MACROD2: variants seen among roughly 807,000 people sequenced by gnomAD.
MACROD2 encodes mono-ADP ribosylhydrolase 2.
Under a neutral mutation model 70.4 loss-of-function variants are expected in MACROD2, and 36 were observed. The ratio of observed to expected loss-of-function variants is 0.51; its 90% CI spans 0.39 to 0.68. The LOEUF is 0.68. MACROD2 is among the 30% of genes least tolerant of loss of function. The probability of loss-of-function intolerance (pLI) is 0.00; values close to 1 mark genes in which losing one functional copy is unlikely to be tolerated. For missense variants in MACROD2, 496 were observed against 538.4 expected (o/e 0.92, Z 0.78); for synonymous variants, 172 against 178.8 (o/e 0.96, Z 0.30).
intron 5 of MACROD2, among the ~76,000 whole-genome samples, chr20:14,923,624 A>G (rs2074190690): frequency 6.6e-6 from 1 of 151,962 alleles, no homozygotes; most frequent in African/African-American, 2.4e-5. Context: ...GCTACCTTCA[A>G]AATATCATGG....
intron 6 of MACROD2, among the ~76,000 whole-genome samples, chr20:15,367,335 A>G (rs2045425849): frequency 6.6e-6 from 1 of 152,194 alleles, no homozygotes; most frequent in Non-Finnish European, 1.5e-5. Flanking sequence ...CCCAAAAATT[A>G]CTGATTTTAT....
intron 6 of MACROD2, among the ~76,000 whole-genome samples, chr20:15,379,649 T>C (rs530112220): frequency 1.3e-5 from 2 of 152,180 alleles, no homozygotes; most frequent in African/African-American, 4.8e-5. Flanking sequence ...ACCTGGAAAA[T>C]GTATGTCTAA....
At chr20:14,440,482 C>T (rs1228532852) in intron 3 of MACROD2, among the ~76,000 whole-genome samples, 1 of 152,070 alleles carries the variant, frequency 6.6e-6, no homozygotes, top group African/African-American at 2.4e-5. Context: ...AAGAACATTG[C>T]CTGGCTAATA....
chr20:15,935,914 A>G (rs2065651061), intron 11 of MACROD2, among the ~76,000 whole-genome samples: 1 of 152,190 alleles, frequency 6.6e-6, no homozygotes, highest in African/African-American at 2.4e-5. Flanking sequence ...TGGGTTTGGG[A>G]CGGACTCTCT....
chr20:14,766,711 A>G (rs1188636553), intron 5 of MACROD2, among the ~76,000 whole-genome samples: 6 of 152,148 alleles, frequency 3.9e-5, no homozygotes, highest in Admixed American at 6.5e-5. Flanking sequence ...TCCATGTAGG[A>G]TAGATTAAAT....
intron 3 of MACROD2, among the ~76,000 whole-genome samples, chr20:14,224,497 C>A (rs992859815): frequency 7.2e-5 from 11 of 152,176 alleles, no homozygotes; most frequent in Admixed American, 3.3e-4. Flanking sequence ...GTCTTCTGCA[C>A]AGTTGATTTG....
chr20:14,021,007 T>TG (rs2053069924), intron 2 of MACROD2, among the ~76,000 whole-genome samples: 1 of 147,514 alleles, frequency 6.8e-6, no homozygotes, highest in African/African-American at 2.5e-5. Flanking sequence ...TTTTTTTTTT[T>TG]GAGATGGAGT....
In MACROD2 at chr20:14,153,481, G is replaced by C. The variant is rs542565437; in HGVS notation, c.271+67753G>C. Among the ~76,000 whole-genome samples, 9 of 152,230 alleles carry C rather than the reference G, an allele frequency of 5.9e-5. 2 individuals carry two copies. The South Asian group carries it at 1.9e-3, about 32-fold the overall frequency. On this transcript the variant is annotated intron_variant, in intron 3 of 17. Coordinates refer to ENST00000684519, the MANE Select transcript of MACROD2 (RefSeq NM_001351661.2). ...GTCCTTGGGGCCTTCTGGGGCTACT[G>C]GTTTTACAGTTCCAAGAGCATATTA...
chr20:14,911,229 C>T (rs1003781558), intron 5 of MACROD2, among the ~76,000 whole-genome samples: 1 of 152,164 alleles, frequency 6.6e-6, no homozygotes, highest in Admixed American at 6.5e-5. Context: ...CATAGTTTAA[C>T]CAGTTCCTTG....
At chr20:15,555,529 T>C (rs999778040) in intron 8 of MACROD2, among the ~76,000 whole-genome samples, 1 of 152,086 alleles carries the variant, frequency 6.6e-6, no homozygotes, top group African/African-American at 2.4e-5. Flanking sequence ...CCTCTGCTAG[T>C]GCAAAACATA....
At chr20:15,037,128 A>C (rs2075319609) in intron 5 of MACROD2, among the ~76,000 whole-genome samples, 1 of 152,058 alleles carries the variant, frequency 6.6e-6, no homozygotes, top group Admixed American at 6.5e-5. Flanking sequence ...AGTGGTACTT[A>C]TGCGGTGGCA....
At chr20:15,011,243 C>T in intron 5 of MACROD2, among the ~76,000 whole-genome samples, 1 of 151,914 alleles carries the variant, frequency 6.6e-6, no homozygotes, top group Non-Finnish European at 1.5e-5. Context: ...TTTTGCCATT[C>T]AGTGAAGTTG....
At chr20:15,676,796 G>A (rs560316384) in intron 8 of MACROD2, among the ~76,000 whole-genome samples, 9 of 152,222 alleles carry the variant, frequency 5.9e-5, no homozygotes, top group South Asian at 4.1e-4. Flanking sequence ...TTTAAATGCC[G>A]CAGATCTTAC....
At position 14,125,769 on chromosome 20, in the gene MACROD2, G is replaced by GA. The variant is rs200192338; in HGVS notation, c.271+40050dup. Among the ~76,000 whole-genome samples the GA allele has an allele frequency of 1.4e-4, 21 of 150,262 alleles. 1 individual carries two copies. The East Asian group carries it at 2.2e-3, about 15-fold the overall frequency. On this transcript the variant is annotated intron_variant, in intron 3 of 17. Transcript: ENST00000684519. The stretch of plus-strand genomic sequence containing the variant: ...ATAACTCTTTTAAAATATGTCTTCA[G>GA]AAAAAAAAATAGCAGCAAAATAGGG...
chr20:15,186,430 T>G (rs2145908743), intron 5 of MACROD2, among the ~76,000 whole-genome samples: 2 of 152,270 alleles, frequency 1.3e-5, no homozygotes, highest in Middle Eastern at 6.8e-3. Context: ...TTTTAAAATA[T>G]CAGTGTGTGT....
At chr20:15,160,485 T>C (rs2076340852) in intron 5 of MACROD2, among the ~76,000 whole-genome samples, 2 of 152,162 alleles carry the variant, frequency 1.3e-5, no homozygotes, top group Non-Finnish European at 2.9e-5. Flanking sequence ...GTCATATTTG[T>C]CCTTTGACCC....
intron 5 of MACROD2, among the ~76,000 whole-genome samples, chr20:14,797,166 C>T (rs773829860): frequency 1.3e-5 from 2 of 152,042 alleles, no homozygotes; most frequent in Non-Finnish European, 2.9e-5. Flanking sequence ...TGAGCCCAAA[C>T]TACCATCACT....
At chr20:14,664,860 A>C (rs2070719940) in intron 4 of MACROD2, among the ~76,000 whole-genome samples, 1 of 152,250 alleles carries the variant, frequency 6.6e-6, no homozygotes, top group South Asian at 2.1e-4. Flanking sequence ...CTAGCATCAA[A>C]ATAGTATTGA....
intron 9 of MACROD2, among the ~76,000 whole-genome samples, chr20:15,876,454 T>G (rs966956736): frequency 3.9e-5 from 6 of 152,174 alleles, no homozygotes; most frequent in Non-Finnish European, 8.8e-5. Flanking sequence ...CATCCTTTTT[T>G]ATGGCTGCAT....
Sources: allele counts gnomAD v4.1 joint callset (sites outside exome capture counted in the v4.1 genomes callset), GRCh38; gene constraint gnomAD v4.1.1; transcripts MANE v1.5; gene names NCBI Gene and HGNC (gene_info 2026-07-23, HGNC 2026-07-21).